The following PCDH15 variants were observed in gnomAD, a reference collection of about 807,000 sequenced individuals.
PCDH15 encodes protocadherin-15.
A neutral mutation model predicts 178.5 loss-of-function variants in PCDH15; 129 were observed. That is an observed-to-expected ratio of 0.72 (90% CI 0.63 to 0.84). The LOEUF (loss-of-function observed/expected upper bound fraction) is 0.84. PCDH15 is among the 40% of genes least tolerant of loss of function. The pLI is 0.00. For synonymous variants in PCDH15, 800 were observed against 732.0 expected (o/e 1.09, Z -1.50); for missense variants, 2,230 against 2,099.9 (o/e 1.06, Z -1.21).
intron 2 of PCDH15, among the ~76,000 whole-genome samples, chr10:54,542,689 T>C (rs897004768): frequency 1.3e-5 from 2 of 152,190 alleles, no homozygotes; most frequent in African/African-American, 4.8e-5. Context: ...AATGAACCTA[T>C]GTTCTTTTTG....
intron 1 of PCDH15, among the ~76,000 whole-genome samples, chr10:54,715,302 T>C (rs66494433): frequency 0.12 from 19,012 of 152,186 alleles, 1,339 homozygotes; most frequent in African/African-American, 0.18. Context: ...CATAGGCAGA[T>C]TGATTCTGCT....
intron 2 of PCDH15, among the ~76,000 whole-genome samples, chr10:54,547,709 A>G (rs1234298192): frequency 6.6e-6 from 1 of 152,066 alleles, no homozygotes. Context: ...AATAATTTTT[A>G]TTTGTATTAT....
intron 2 of PCDH15, among the ~76,000 whole-genome samples, chr10:55,396,872 G>T (rs1489905023): frequency 6.6e-6 from 1 of 152,138 alleles, no homozygotes; most frequent in Non-Finnish European, 1.5e-5. Context: ...ATTAGAGAAA[G>T]GTTGGGGTAA....
At chr10:54,945,017 ATG>A (rs1443479478) in intron 2 of PCDH15, among the ~76,000 whole-genome samples, 3 of 151,914 alleles carry the variant, frequency 2.0e-5, no homozygotes, top group Admixed American at 2.0e-4. Flanking sequence ...CCTTTTTCAT[ATG>A]TGTGTCATTG....
At chr10:54,141,982 C>T (rs1478623479) in intron 14 of PCDH15, among the ~76,000 whole-genome samples, 1 of 151,796 alleles carries the variant, frequency 6.6e-6, no homozygotes, top group African/African-American at 2.4e-5. Context: ...TCTGAATTTC[C>T]AAAGCTGATA....
chr10:54,133,472 C>A (rs951897639), intron 14 of PCDH15, among the ~76,000 whole-genome samples: 1 of 152,050 alleles, frequency 6.6e-6, no homozygotes, highest in Admixed American at 6.6e-5. Flanking sequence ...TTGCTGACAT[C>A]AATGGCTTAA....
intron 2 of PCDH15, among the ~76,000 whole-genome samples, chr10:54,965,933 A>G (rs141943690): frequency 1.8e-3 from 269 of 150,924 alleles, no homozygotes; most frequent in African/African-American, 6.1e-3. Context: ...TTATATATGC[A>G]GCACATATTA....
intron 2 of PCDH15, among the ~76,000 whole-genome samples, chr10:55,062,787 C>T (rs1407284660): frequency 1.3e-5 from 2 of 152,024 alleles, no homozygotes; most frequent in Non-Finnish European, 2.9e-5. Flanking sequence ...AACATATGTA[C>T]CACTCTAGTG....
intron 1 of PCDH15, among the ~76,000 whole-genome samples, chr10:54,783,464 AG>A (rs1950559492): frequency 6.6e-6 from 1 of 152,096 alleles, no homozygotes; most frequent in Non-Finnish European, 1.5e-5. Context: ...AAGAAAGCAA[AG>A]TAAACATAGT....
At chr10:54,612,560 C>T (rs2092997795) in intron 2 of PCDH15, among the ~76,000 whole-genome samples, 1 of 151,580 alleles carries the variant, frequency 6.6e-6, no homozygotes, top group Admixed American at 6.6e-5. Context: ...AAGATGGCAA[C>T]TTTACAGAAA....
chr10:54,266,138 C>G (rs1209476191), intron 8 of PCDH15, among the ~76,000 whole-genome samples: 1 of 128,950 alleles, frequency 7.8e-6, no homozygotes, highest in Non-Finnish European at 1.6e-5. Context: ...CTCTAAAACG[C>G]AGACACAAAC....
chr10:55,225,397 T>C (rs1423771730), intron 1 of PCDH15, among the ~76,000 whole-genome samples: 1 of 152,076 alleles, frequency 6.6e-6, no homozygotes, highest in Non-Finnish European at 1.5e-5. Context: ...AAAACCCCTT[T>C]AGAGCAAGAT....
intron 2 of PCDH15, among the ~76,000 whole-genome samples, chr10:54,657,062 G>A (rs1259726531): frequency 1.3e-5 from 2 of 152,188 alleles, no homozygotes; most frequent in Non-Finnish European, 2.9e-5. Flanking sequence ...CCCAGCAACT[G>A]AAGGCAGACA....
intron 2 of PCDH15, among the ~76,000 whole-genome samples, chr10:55,503,801 T>C (rs1188527475): frequency 6.6e-6 from 1 of 151,442 alleles, no homozygotes; most frequent in East Asian, 1.9e-4. Flanking sequence ...AAAGGAATTA[T>C]CATTCATAGC....
At chr10:55,015,712 T>C (rs2131948075) in intron 2 of PCDH15, among the ~76,000 whole-genome samples, 1 of 152,224 alleles carries the variant, frequency 6.6e-6, no homozygotes, top group Admixed American at 6.5e-5. Flanking sequence ...CAGGAGAAGG[T>C]TGTTCCCTGC....
At chr10:55,256,246 GA>G (rs1357073740) in intron 1 of PCDH15, among the ~76,000 whole-genome samples, 1 of 152,186 alleles carries the variant, frequency 6.6e-6, no homozygotes, top group East Asian at 1.9e-4. Flanking sequence ...GTTTGTCAAA[GA>G]GACAAGATGG....
intron 3 of PCDH15, among the ~76,000 whole-genome samples, chr10:54,436,808 C>A (rs970319461): frequency 1.3e-5 from 2 of 151,800 alleles, no homozygotes; most frequent in African/African-American, 4.8e-5. Context: ...AAATATGTAA[C>A]ATCACAAAAT....
At chr10:54,872,214 T>A (rs1816339738) in intron 3 of PCDH15, among the ~76,000 whole-genome samples, 1 of 151,986 alleles carries the variant, frequency 6.6e-6, no homozygotes, top group East Asian at 1.9e-4. Flanking sequence ...ATTATAAATG[T>A]TTGCTTCATA....
chr10:54,653,215 T>A (rs895283823), intron 2 of PCDH15, among the ~76,000 whole-genome samples: 1 of 152,162 alleles, frequency 6.6e-6, no homozygotes, highest in African/African-American at 2.4e-5. Context: ...TTCATGACAA[T>A]GATGATGAAA....
Sources: allele counts gnomAD v4.1 joint callset (sites outside exome capture counted in the v4.1 genomes callset), GRCh38; gene constraint gnomAD v4.1.1; transcripts MANE v1.5; gene names NCBI Gene and HGNC (gene_info 2026-07-23, HGNC 2026-07-21).